Variants in MAML2 observed in about 807,000 individuals in gnomAD.
MAML2 encodes the protein mastermind-like protein 2.
MAML2 carries 22 observed loss-of-function variants against 96.1 expected under a neutral mutation model. That is an observed-to-expected ratio of 0.23 (90% confidence interval 0.16 to 0.33). MAML2 has a LOEUF of 0.33. MAML2 is among the 10% of genes least tolerant of loss of function. The pLI is 1.00. For synonymous variants in MAML2, 561 were observed against 521.3 expected (o/e 1.08, Z -1.04); for missense variants, 1,367 against 1,392.4 (o/e 0.98, Z 0.29).
At chr11:96,186,299 T>A (rs759580194) in intron 1 of MAML2, among the ~76,000 whole-genome samples, 15 of 152,132 alleles carry the variant, frequency 9.9e-5, no homozygotes, top group South Asian at 2.1e-4. Context: ...ACTATAAAAG[T>A]GGGATGAAGG....
intron 1 of MAML2, among the ~76,000 whole-genome samples, chr11:96,261,493 C>T (rs1429894024): frequency 6.6e-6 from 1 of 152,148 alleles, no homozygotes; most frequent in Non-Finnish European, 1.5e-5. Flanking sequence ...TAGCTATAAC[C>T]GTAGAATTGC....
intron 2 of MAML2, 39 bp from the exon 3 acceptor site, chr11:95,991,762 T>A: frequency 6.6e-7 from 1 of 1,517,916 alleles, no homozygotes; most frequent in African/African-American, 1.4e-5. Context: ...CTACTGTGAA[T>A]TAAAAAAAGA....
chr11:96,094,431 G>C (rs1859790125), intron 1 of MAML2, among the ~76,000 whole-genome samples: 1 of 152,162 alleles, frequency 6.6e-6, no homozygotes, highest in South Asian at 2.1e-4. Flanking sequence ...GCATATAAAA[G>C]TTTAGAAAGT....
At chr11:96,157,582 G>C (rs1212191977) in intron 1 of MAML2, among the ~76,000 whole-genome samples, 2 of 152,214 alleles carry the variant, frequency 1.3e-5, no homozygotes, top group Non-Finnish European at 2.9e-5. Context: ...AAAATCATTA[G>C]AAATAACTGA....
At chr11:96,154,062 T>A (rs2135881081) in intron 1 of MAML2, among the ~76,000 whole-genome samples, 1 of 152,388 alleles carries the variant, frequency 6.6e-6, no homozygotes, top group South Asian at 2.1e-4. Flanking sequence ...GCTCTCACTA[T>A]GATTTTCTTT....
chr11:96,228,870 C>T (rs1016154491), intron 1 of MAML2, among the ~76,000 whole-genome samples: 1 of 152,070 alleles, frequency 6.6e-6, no homozygotes, highest in African/African-American at 2.4e-5. Context: ...GCACTAGGCT[C>T]TCCTTTACAT....
At chr11:96,203,627 G>A (rs563217377) in intron 1 of MAML2, among the ~76,000 whole-genome samples, 7 of 152,240 alleles carry the variant, frequency 4.6e-5, no homozygotes, top group South Asian at 2.1e-4. Context: ...GCAAGAAGTC[G>A]CAAGTCACAG....
intron 1 of MAML2, among the ~76,000 whole-genome samples, chr11:96,222,572 G>T (rs1001935256): frequency 2.0e-5 from 3 of 152,204 alleles, no homozygotes; most frequent in African/African-American, 7.2e-5. Flanking sequence ...CAGCACGAAT[G>T]CAAGGGATAA....
At chr11:96,065,436 C>T (rs893022616) in intron 2 of MAML2, among the ~76,000 whole-genome samples, 2 of 152,150 alleles carry the variant, frequency 1.3e-5, no homozygotes, top group African/African-American at 2.4e-5. Context: ...CACACACACA[C>T]ACACACAGGA....
intron 1 of MAML2, among the ~76,000 whole-genome samples, chr11:96,185,263 G>T (rs1861556085): frequency 6.6e-6 from 1 of 152,172 alleles, no homozygotes; most frequent in Non-Finnish European, 1.5e-5. Flanking sequence ...ACAGGACTTT[G>T]GTGGAACTGC....
chr11:96,214,069 A>T (rs961785652), intron 1 of MAML2, among the ~76,000 whole-genome samples: 3 of 152,236 alleles, frequency 2.0e-5, no homozygotes, highest in Non-Finnish European at 2.9e-5. Context: ...TATATTTTGT[A>T]TGTATATATA....
intron 2 of MAML2, among the ~76,000 whole-genome samples, chr11:96,049,801 G>T (rs539173221): frequency 6.6e-6 from 1 of 152,304 alleles, no homozygotes; most frequent in African/African-American, 2.4e-5. Flanking sequence ...ATTCAAGTGT[G>T]TGCTAATTGA....
At chr11:96,079,582 G>A (rs1199026150) in intron 2 of MAML2, among the ~76,000 whole-genome samples, 1 of 152,204 alleles carries the variant, frequency 6.6e-6, no homozygotes, top group Non-Finnish European at 1.5e-5. Flanking sequence ...TCCTAGAAAT[G>A]TCATGGAGAA....
intron 2 of MAML2, among the ~76,000 whole-genome samples, chr11:96,075,910 A>G (rs905093370): frequency 1.3e-5 from 2 of 152,168 alleles, no homozygotes; most frequent in African/African-American, 4.8e-5. Flanking sequence ...AATACATTTG[A>G]GCCAGTTGGC....
intron 1 of MAML2, among the ~76,000 whole-genome samples, chr11:96,209,528 T>C (rs1266234513): frequency 6.6e-6 from 1 of 151,860 alleles, no homozygotes; most frequent in African/African-American, 2.4e-5. Context: ...TGAGCGGAGA[T>C]TGGCGCCACT....
intron 1 of MAML2, among the ~76,000 whole-genome samples, chr11:96,303,212 C>T (rs1402608123): frequency 6.6e-6 from 1 of 152,192 alleles, no homozygotes; most frequent in Non-Finnish European, 1.5e-5. Flanking sequence ...GCACATGACT[C>T]ACACATTCAA....
At chr11:95,998,613 G>A (rs1401667476) in intron 2 of MAML2, among the ~76,000 whole-genome samples, 3 of 152,094 alleles carry the variant, frequency 2.0e-5, no homozygotes, top group Non-Finnish European at 4.4e-5. Context: ...AGTTCATGCA[G>A]CCTGCTGGAA....
At chr11:96,328,300 C>T (rs1295552566) in intron 1 of MAML2, among the ~76,000 whole-genome samples, 1 of 152,036 alleles carries the variant, frequency 6.6e-6, no homozygotes, top group Non-Finnish European at 1.5e-5. Context: ...ACCTAAAATT[C>T]CAGCAAATCT....
intron 2 of MAML2, among the ~76,000 whole-genome samples, chr11:96,067,066 T>G (rs1478493527): frequency 2.0e-5 from 3 of 152,148 alleles, no homozygotes; most frequent in African/African-American, 4.8e-5. Context: ...CTTTCACACC[T>G]AGTGAGATGG....
Sources: allele counts gnomAD v4.1 joint callset (sites outside exome capture counted in the v4.1 genomes callset), GRCh38; gene constraint gnomAD v4.1.1; transcripts MANE v1.5; gene names NCBI Gene and HGNC (gene_info 2026-07-23, HGNC 2026-07-21).